The following GRM7 variants were observed in gnomAD, a reference collection of about 807,000 sequenced individuals.
The protein encoded by GRM7 is metabotropic glutamate receptor 7.
GRM7 carries 35 observed loss-of-function variants against 84.5 expected under a neutral mutation model. The observed-to-expected ratio is 0.41, with a 90% CI of 0.32 to 0.55. The LOEUF is 0.55. Ranked by LOEUF, GRM7 falls within the 20% of genes least tolerant of loss-of-function variation. The pLI is 0.19. For synonymous variants in GRM7, 487 were observed against 455.1 expected, an observed-to-expected ratio of 1.07 and a Z score of -0.89; for missense variants, 1,003 against 1,194.6, an observed-to-expected ratio of 0.84 and a Z score of 2.36.
intron 6 of GRM7, among the ~76,000 whole-genome samples, chr3:7,455,817 A>T (rs1310886534): frequency 6.6e-6 from 1 of 152,116 alleles, no homozygotes; most frequent in Non-Finnish European, 1.5e-5. Context: ...TTTTAGTAGC[A>T]TTCCATCAGT....
intron 1 of GRM7, among the ~76,000 whole-genome samples, chr3:7,023,567 G>A (rs950498446): frequency 1.3e-5 from 2 of 152,134 alleles, no homozygotes; most frequent in African/African-American, 4.8e-5. Context: ...AACAATGGAA[G>A]TTTATTTCCT....
chr3:7,230,636 G>T (rs76002068), intron 2 of GRM7, among the ~76,000 whole-genome samples: 1 of 152,198 alleles, frequency 6.6e-6, no homozygotes, highest in Non-Finnish European at 1.5e-5. Flanking sequence ...TTAGAAGGTG[G>T]GTATGGGTCA....
chr3:7,495,840 C>G (rs2124957066), intron 7 of GRM7, among the ~76,000 whole-genome samples: 1 of 152,320 alleles, frequency 6.6e-6, no homozygotes, highest in South Asian at 2.1e-4. Flanking sequence ...GGCTGTTCCT[C>G]TAGTCCTTGG....
intron 7 of GRM7, among the ~76,000 whole-genome samples, chr3:7,572,823 AATATATAT>A (rs1158871205): frequency 0.014 from 173 of 12,290 alleles, 1 homozygote; most frequent in African/African-American, 0.018. Context: ...CTCTATCTCA[AATATATAT>A]ATATATATAT....
chr3:7,150,065 A>C (rs961064041), intron 2 of GRM7, among the ~76,000 whole-genome samples: 1 of 145,260 alleles, frequency 6.9e-6, no homozygotes, highest in Non-Finnish European at 1.5e-5. Context: ...ATGTGTATAC[A>C]TATATGTGTG....
At chr3:7,403,531 T>G (rs1414699302) in intron 4 of GRM7, among the ~76,000 whole-genome samples, 2 of 149,854 alleles carry the variant, frequency 1.3e-5, no homozygotes, top group Non-Finnish European at 3.0e-5. Flanking sequence ...ATTCAAAGAA[T>G]GGCAACAAGA....
chr3:7,076,355 TGGTGGGA>T (rs1315552679), intron 1 of GRM7, among the ~76,000 whole-genome samples: 1 of 152,180 alleles, frequency 6.6e-6, no homozygotes, highest in Non-Finnish European at 1.5e-5. Flanking sequence ...GGAAGGGCCT[TGGTGGGA>T]GGTGATTGGA....
At chr3:7,192,752 C>T (rs1456900080) in intron 2 of GRM7, among the ~76,000 whole-genome samples, 7 of 152,100 alleles carry the variant, frequency 4.6e-5, no homozygotes, top group Non-Finnish European at 8.8e-5. Flanking sequence ...ACCTTTTCTG[C>T]TTTTCTTCAC....
At chr3:7,198,987 C>T (rs749498189) in intron 2 of GRM7, among the ~76,000 whole-genome samples, 5 of 152,020 alleles carry the variant, frequency 3.3e-5, no homozygotes, top group Non-Finnish European at 5.9e-5. Flanking sequence ...AAGGTATGGC[C>T]ATTTCTGTTA....
intron 1 of GRM7, among the ~76,000 whole-genome samples, chr3:6,882,405 G>A (rs576030782): frequency 6.6e-6 from 1 of 152,058 alleles, no homozygotes; most frequent in Non-Finnish European, 1.5e-5. Flanking sequence ...TATAAGCCAG[G>A]CATGGTAGCA....
chr3:7,070,726 T>A (rs1193184789), intron 1 of GRM7, among the ~76,000 whole-genome samples: 1 of 147,792 alleles, frequency 6.8e-6, no homozygotes, highest in Non-Finnish European at 1.5e-5. Context: ...GTTGCTCATA[T>A]GACATTTTTT....
At chr3:7,457,880 C>T (rs578191392) in intron 6 of GRM7, among the ~76,000 whole-genome samples, 1 of 152,260 alleles carries the variant, frequency 6.6e-6, no homozygotes, top group Admixed American at 6.5e-5. Flanking sequence ...ATGAGAGCCT[C>T]GAATTGCCCC....
chr3:7,237,795 T>G lies in GRM7; in HGVS notation c.737-60889T>G, dbSNP rs114843229. ...CAGCTTTTATTCCCTTATTTGGCCC[T>G]ACACACATCCTGCTGATTGGTCCAT... On this transcript the variant is annotated intron_variant, in intron 2 of 9. Transcript: ENST00000357716. 9.4e-3 allele frequency among the ~76,000 whole-genome samples: 1,432 copies of G among 152,302 alleles called. 15 individuals carry two copies. Among genetic ancestry groups the G allele is most frequent in the African/African-American group, 0.026 (1,066 of 41,552 alleles).
At chr3:7,367,512 G>T (rs1160938986) in intron 4 of GRM7, among the ~76,000 whole-genome samples, 1 of 151,700 alleles carries the variant, frequency 6.6e-6, no homozygotes, top group Non-Finnish European at 1.5e-5. Context: ...TTGGATATTT[G>T]GTAAAATATG....
At chr3:7,293,240 G>T (rs926447383) in intron 2 of GRM7, among the ~76,000 whole-genome samples, 1 of 151,984 alleles carries the variant, frequency 6.6e-6, no homozygotes, top group African/African-American at 2.4e-5. Flanking sequence ...GGAGATAAAA[G>T]TATTTTATTG....
chr3:7,118,481 T>C (rs1693114751), intron 1 of GRM7, among the ~76,000 whole-genome samples: 1 of 149,292 alleles, frequency 6.7e-6, no homozygotes, highest in African/African-American at 2.5e-5. Flanking sequence ...TAAAATTTAA[T>C]CTAGTATGTC....
chr3:7,446,867 G>A (rs1347585443), intron 5 of GRM7, among the ~76,000 whole-genome samples: 2 of 152,078 alleles, frequency 1.3e-5, no homozygotes, highest in African/African-American at 4.8e-5. Flanking sequence ...CATATATTCT[G>A]AGGGAGCAGT....
intron 9 of GRM7, among the ~76,000 whole-genome samples, chr3:7,703,025 T>G (rs555812479): frequency 3.2e-4 from 48 of 152,168 alleles, no homozygotes; most frequent in Non-Finnish European, 6.2e-4. Context: ...CTTGGACACC[T>G]TTTAACATAC....
At chr3:7,130,090 A>G (rs959191980) in intron 1 of GRM7, among the ~76,000 whole-genome samples, 1 of 152,178 alleles carries the variant, frequency 6.6e-6, no homozygotes, top group African/African-American at 2.4e-5. Flanking sequence ...TTCTTCCATA[A>G]AAGTAGAGAT....
Sources: allele counts gnomAD v4.1 joint callset (sites outside exome capture counted in the v4.1 genomes callset), GRCh38; gene constraint gnomAD v4.1.1; transcripts MANE v1.5; gene names NCBI Gene and HGNC (gene_info 2026-07-23, HGNC 2026-07-21).